The following ACVR1 variants were observed in gnomAD, a reference collection of about 807,000 sequenced individuals.
ACVR1 encodes activin receptor type-1.
In ACVR1, 38 loss-of-function variants were observed where a neutral mutation model predicts 57.1. The ratio of observed to expected loss-of-function variants is 0.67; its 90% CI spans 0.51 to 0.87. The LOEUF is 0.87. Among genes scored for constraint, ACVR1 ranks in the 40% least tolerant of loss-of-function variants. The pLI, the probability that ACVR1 is intolerant of heterozygous loss-of-function variation, is 0.00. For missense variants in ACVR1, 463 were observed against 638.2 expected, an observed-to-expected ratio of 0.73 and a Z score of 2.96; for synonymous variants, 212 against 228.1, an observed-to-expected ratio of 0.93 and a Z score of 0.63.
intron 3 of ACVR1, among the ~76,000 whole-genome samples, chr2:157,792,276 G>A (rs1391946143): frequency 1.3e-5 from 2 of 152,012 alleles, no homozygotes; most frequent in East Asian, 3.9e-4. Context: ...TTCTGTTCTA[G>A]CCCGTAACAA....
chr2:157,862,422 T>TACAC (rs68077740), intron 1 of ACVR1, among the ~76,000 whole-genome samples: 2,891 of 143,714 alleles, frequency 0.02, 77 homozygotes, highest in African/African-American at 0.061. Flanking sequence ...CATATACACA[T>TACAC]ACACACACAC....
intron 1 of ACVR1, among the ~76,000 whole-genome samples, chr2:157,858,871 G>A (rs1039822752): frequency 9.9e-5 from 15 of 151,936 alleles, no homozygotes; most frequent in African/African-American, 1.5e-4. Flanking sequence ...CTCCTGCTTC[G>A]GCCTCCCTAA....
chr2:157,791,700 G>C (rs1445707359), intron 3 of ACVR1, among the ~76,000 whole-genome samples: 3 of 152,150 alleles, frequency 2.0e-5, no homozygotes, highest in Non-Finnish European at 4.4e-5. Flanking sequence ...TGGTGTTTTG[G>C]CCTTGTCTCT....
intron 9 of ACVR1, among the ~76,000 whole-genome samples, chr2:157,741,591 C>T (rs1186137325): frequency 6.8e-6 from 1 of 148,064 alleles, no homozygotes; most frequent in Non-Finnish European, 1.5e-5. Flanking sequence ...TGCCACTGCA[C>T]TATAGCCTGG....
At chr2:157,748,215 C>G (rs1411836075) in intron 9 of ACVR1, among the ~76,000 whole-genome samples, 2 of 152,108 alleles carry the variant, frequency 1.3e-5, no homozygotes, top group East Asian at 3.9e-4. Flanking sequence ...GTTTGCAACA[C>G]GAGTTCTTAC....
At chr2:157,814,816 G>A (rs1195799198) in intron 2 of ACVR1, among the ~76,000 whole-genome samples, 1 of 152,198 alleles carries the variant, frequency 6.6e-6, no homozygotes, top group Non-Finnish European at 1.5e-5. Context: ...CGACACGGTG[G>A]GTCACACCTG....
chr2:157,867,542 G>C (rs1203904239), intron 1 of ACVR1, among the ~76,000 whole-genome samples: 1 of 152,192 alleles, frequency 6.6e-6, no homozygotes, highest in Non-Finnish European at 1.5e-5. Flanking sequence ...GACAGACATG[G>C]TCAAAAGATC....
chr2:157,797,820 C>G (rs1055336315), intron 3 of ACVR1, among the ~76,000 whole-genome samples: 1 of 152,060 alleles, frequency 6.6e-6, no homozygotes, highest in Non-Finnish European at 1.5e-5. Flanking sequence ...AAAATTCATG[C>G]GAGTATCTTA....
At chr2:157,792,567 G>A (rs1052165486) in intron 3 of ACVR1, among the ~76,000 whole-genome samples, 2 of 152,316 alleles carry the variant, frequency 1.3e-5, no homozygotes, top group African/African-American at 4.8e-5. Flanking sequence ...GAGGGCAGTA[G>A]GAACACCTGC....
intron 1 of ACVR1, among the ~76,000 whole-genome samples, chr2:157,864,536 T>C (rs1476200516): frequency 6.6e-6 from 1 of 152,204 alleles, no homozygotes; most frequent in South Asian, 2.1e-4. Flanking sequence ...CTTGGCCAAA[T>C]TCCCATTAAA....
chr2:157,756,864 C>T (rs988231834), intron 9 of ACVR1, among the ~76,000 whole-genome samples: 13 of 151,464 alleles, frequency 8.6e-5, no homozygotes, highest in African/African-American at 2.9e-4. Context: ...TTTATAGCAG[C>T]ACAGTTTGCA....
intron 3 of ACVR1, among the ~76,000 whole-genome samples, chr2:157,792,734 A>C (rs908654921): frequency 1.2e-4 from 19 of 152,374 alleles, no homozygotes; most frequent in African/African-American, 4.6e-4. Flanking sequence ...AAAAGACAAG[A>C]AATAGGTGCA....
At chr2:157,863,421 G>T (rs1689804629) in intron 1 of ACVR1, among the ~76,000 whole-genome samples, 1 of 121,042 alleles carries the variant, frequency 8.3e-6, no homozygotes. Flanking sequence ...TTCAGGCAGG[G>T]CTCAGTGGCT....
In ACVR1 at chr2:157,766,131, G is replaced by A. The variant is rs766136409; in HGVS notation, c.856C>T (p.His286Tyr). The A allele has an allele frequency of 2.5e-6, 4 of 1,614,100 alleles. No individual in the cohort carries two copies. Among genetic ancestry groups the A allele is most frequent in the African/African-American group, 1.3e-5 (1 of 75,044 alleles). ...STQLWLITHYHEMGSLYDYLQ... is the reference protein window; with the variant it reads ...STQLWLITHYYEMGSLYDYLQ... Reference sequence around the variant, plus strand: ...TAGTCGTACAACGATCCCATTTCATGATAATGTGTAATTAACCACAGCTGG... The same window carrying A: ...TAGTCGTACAACGATCCCATTTCATAATAATGTGTAATTAACCACAGCTGG... The change falls in exon 8 of 11, where the codon CAT becomes TAT. Residue 286 changes from histidine (H) to tyrosine (Y), a missense_variant. His to Tyr is a moderately conservative substitution (Grantham distance 83). Around this residue, in one of 3 missense-constraint regions of ACVR1, gnomAD observed 114 missense variants for 216.2 expected, o/e 0.53. Transcript: ENST00000434821.
At chr2:157,768,606 T>C (rs1302793550) in intron 7 of ACVR1, among the ~76,000 whole-genome samples, 1 of 152,238 alleles carries the variant, frequency 6.6e-6, no homozygotes. Context: ...AAAAAATTAC[T>C]TTTAAATAAG....
At chr2:157,773,055 C>G (rs921033743) in intron 6 of ACVR1, among the ~76,000 whole-genome samples, 1 of 152,124 alleles carries the variant, frequency 6.6e-6, no homozygotes, top group African/African-American at 2.4e-5. Flanking sequence ...CTCCCAAAAG[C>G]AAAAGATGCA....
chr2:157,754,470 T>C (rs1685339052), intron 9 of ACVR1, among the ~76,000 whole-genome samples: 2 of 152,150 alleles, frequency 1.3e-5, no homozygotes, highest in Admixed American at 1.3e-4. Flanking sequence ...TCAAGGCTAC[T>C]ATGAATACCT....
chr2:157,855,653 C>G (rs1296624119), intron 1 of ACVR1, among the ~76,000 whole-genome samples: 1 of 152,104 alleles, frequency 6.6e-6, no homozygotes, highest in East Asian at 1.9e-4. Flanking sequence ...TCAGCAACAC[C>G]GTGAGTGGTC....
intron 1 of ACVR1, among the ~76,000 whole-genome samples, chr2:157,855,479 A>T (rs1689500186): frequency 6.6e-6 from 1 of 151,906 alleles, no homozygotes; most frequent in Non-Finnish European, 1.5e-5. Flanking sequence ...ACTGGGCAAC[A>T]GTCCATGCCA....
Sources: gnomAD v4.1 joint callset for allele counts (sites outside exome capture counted in the v4.1 genomes callset) on GRCh38, gnomAD v4.1.1 for gene constraint, gnomAD v4.1.1 regional missense constraint, MANE v1.5 for transcripts, NCBI Gene and HGNC (gene_info 2026-07-23, HGNC 2026-07-21) for gene names.